MBIP: variants seen among roughly 807,000 people sequenced by gnomAD.
MBIP encodes the protein MAP3K12-binding inhibitory protein 1.
In MBIP, 32 loss-of-function variants were observed where a neutral mutation model predicts 45.7. The ratio of observed to expected loss-of-function variants is 0.70; its 90% CI spans 0.53 to 0.94. The LOEUF (loss-of-function observed/expected upper bound fraction) is 0.94. MBIP is among the 40% of genes least tolerant of loss of function. MBIP has a pLI of 0.00. For synonymous variants in MBIP, 145 were observed against 141.0 expected (o/e 1.03, Z -0.20); for missense variants, 381 against 405.5 (o/e 0.94, Z 0.52).
intron 8 of MBIP, 73 bp downstream of exon 8, chr14:36,300,712 A>G: frequency 8.7e-7 from 1 of 1,152,310 alleles, no homozygotes; most frequent in Non-Finnish European, 1.2e-6. Context: ...CATAGTAGAA[A>G]CTTTTATTAA....
rs981137871 is a variant in MBIP, at chr14:36,308,199, T to C, written c.791-10A>G. 1 of 1,398,416 alleles carries C rather than the reference T, an allele frequency of 7.2e-7. No individual in the cohort carries two copies. Among genetic ancestry groups the C allele is most frequent in the African/African-American group, 1.5e-5 (1 of 68,914 alleles). The allele number at this position is 1,398,416 out of a possible 1,614,324, so 86.6% of individuals were successfully genotyped here. A position where few individuals can be genotyped will look rare whatever the true frequency, so the allele number is the denominator to read the frequency against. ...CTTGGCACTGGACCACCTAAATACA[T>C]TAAAAAAAAATCTGAGATACTATTG... On this transcript the variant is annotated splice_polypyrimidine_tract_variant and intron_variant, in intron 6 of 8. Coordinates refer to ENST00000416007, the MANE Select transcript of MBIP (RefSeq NM_016586.3).
intron 7 of MBIP, among the ~76,000 whole-genome samples, chr14:36,306,530 C>T (rs932085942): frequency 2.6e-5 from 4 of 152,266 alleles, no homozygotes; most frequent in Admixed American, 2.6e-4. Flanking sequence ...ACCTTGGCCT[C>T]CCAAAGTGCT....
At chr14:36,317,119 T>A (rs1880620315) in intron 1 of MBIP, among the ~76,000 whole-genome samples, 1 of 152,174 alleles carries the variant, frequency 6.6e-6, no homozygotes, top group Non-Finnish European at 1.5e-5. Flanking sequence ...CTTTTGATAC[T>A]TCAATATATA....
intron 6 of MBIP, among the ~76,000 whole-genome samples, chr14:36,310,751 C>T (rs1328399692): frequency 6.6e-6 from 1 of 152,150 alleles, no homozygotes; most frequent in Non-Finnish European, 1.5e-5. Context: ...GAAGAAAAAG[C>T]ATGGACAGAA....
At chr14:36,300,045 A>G (rs1338785574) in intron 8 of MBIP, among the ~76,000 whole-genome samples, 1 of 152,238 alleles carries the variant, frequency 6.6e-6, no homozygotes, top group East Asian at 1.9e-4. Context: ...AAAATGATGA[A>G]TTTTATGTTA....
chr14:36,320,517 G>A lies in MBIP; in HGVS notation c.72C>T (p.Asn24=), dbSNP rs1407656822. ...DRNLERRCRP[N]LSREVLYEIF... The stretch of plus-strand genomic sequence containing the variant: ...TTTCGTAGAGCACCTCTCGGGAGAG[G>A]TTGGGTCTGCATCTTCGCTCCAGGT... The change falls in exon 1 of 9, where the codon AAC becomes AAT. Residue 24 remains asparagine (N), a synonymous_variant. Coordinates refer to ENST00000416007, the MANE Select transcript of MBIP (RefSeq NM_016586.3). The A allele has an allele frequency of 3.1e-6, 5 of 1,613,910 alleles. No individual in the cohort carries two copies. In the Admixed American group the frequency reaches 5.0e-5, roughly 16 times the overall value.
intron 6 of MBIP, among the ~76,000 whole-genome samples, chr14:36,309,682 C>T (rs1399395613): frequency 2.0e-5 from 3 of 152,230 alleles, no homozygotes; most frequent in Non-Finnish European, 4.4e-5. Flanking sequence ...CCTTTACCTA[C>T]AATGTCCTCT....
chr14:36,303,236 G>A (rs1374156530), intron 7 of MBIP, among the ~76,000 whole-genome samples: 1 of 152,166 alleles, frequency 6.6e-6, no homozygotes, highest in African/African-American at 2.4e-5. Flanking sequence ...ATTTTAACAG[G>A]TTTTGGTACC....
Position 36,310,829 on chromosome 14 carries a change from G to C in MBIP, c.790+744C>G, listed in dbSNP as rs535945092. Among the ~76,000 whole-genome samples the C allele has an allele frequency of 6.6e-4, 100 of 152,242 alleles. 2 individuals carry two copies. The South Asian group carries it at 6.8e-3, about 10-fold the overall frequency. Reference sequence around the variant, plus strand: ...GATGGGAAGCCCAGAGGTGTAGCTGGAACTACAGATGTGGACAATACTATT... The same window carrying C: ...GATGGGAAGCCCAGAGGTGTAGCTGCAACTACAGATGTGGACAATACTATT... On this transcript the variant is annotated intron_variant, in intron 6 of 8. Coordinates refer to ENST00000416007, the MANE Select transcript of MBIP (RefSeq NM_016586.3).
rs1187301320 is a variant in MBIP, at chr14:36,314,531, A to G, written c.552T>C (p.Asn184=). The part of the protein sequence containing the change: ...INENNVREFC[N]VIDCNQENSC... ...AGTTACCTTGATTACAATCAATAAC[A>G]TTGCAAAATTCCCTGACGTTGTTTT... The change falls in exon 4 of 9, where the codon AAT becomes AAC. Residue 184 remains asparagine, a synonymous_variant. Coordinates refer to ENST00000416007, the MANE Select transcript of MBIP (RefSeq NM_016586.3). The G allele has an allele frequency of 6.2e-7, 1 of 1,609,388 alleles. No homozygotes were observed. The highest frequency in any genetic ancestry group is 8.5e-7 in the Non-Finnish European group (1 of 1,178,090).
rs1316920677 is a variant in MBIP, at chr14:36,320,458, A to C, written c.129+2T>G. 2.5e-6 allele frequency: 4 copies of C among 1,614,012 alleles called. No individual in the cohort carries two copies. The highest frequency in any genetic ancestry group is 1.1e-5 in the South Asian group (1 of 91,076). ...TTCCCAGTCCCTCAGGCCACCTCTCACCTGTCCAACCAGGGTGTGTAGGGA... is the reference window on the plus strand; with the variant it reads ...TTCCCAGTCCCTCAGGCCACCTCTCCCCTGTCCAACCAGGGTGTGTAGGGA... On this transcript the variant is annotated splice_donor_variant, in intron 1 of 8. Coordinates refer to ENST00000416007, the MANE Select transcript of MBIP (RefSeq NM_016586.3). LOFTEE classifies it high-confidence loss of function.
chr14:36,304,799 CATAA>C (rs1482950002), intron 7 of MBIP, among the ~76,000 whole-genome samples: 2 of 152,100 alleles, frequency 1.3e-5, no homozygotes, highest in African/African-American at 4.8e-5. Context: ...CTTTTTTCCC[CATAA>C]ATATTTGTTT....
At chr14:36,320,364 G>C in intron 1 of MBIP, 96 bp downstream of exon 1, 1 of 1,560,904 alleles carries the variant, frequency 6.4e-7, no homozygotes, top group Non-Finnish European at 8.7e-7. Flanking sequence ...CCACACCTCT[G>C]CAGGCCTAGC....
At chr14:36,309,038 G>T (rs1880047878) in intron 6 of MBIP, among the ~76,000 whole-genome samples, 1 of 152,156 alleles carries the variant, frequency 6.6e-6, no homozygotes, top group South Asian at 2.1e-4. Context: ...ACACAATGTG[G>T]ATATTCTCCC....
intron 6 of MBIP, among the ~76,000 whole-genome samples, chr14:36,311,061 A>T (rs1379427570): frequency 1.3e-5 from 2 of 152,192 alleles, no homozygotes; most frequent in Non-Finnish European, 2.9e-5. Flanking sequence ...AGTAGAGATA[A>T]GACAGAAGTG....
intron 2 of MBIP, 21 bp from the exon 3 acceptor site, chr14:36,314,936 T>C (rs752939609): frequency 2.5e-5 from 37 of 1,495,574 alleles, no homozygotes; most frequent in Non-Finnish European, 3.4e-5. Context: ...CACAATTCCA[T>C]CTGCTGAGGT....
chr14:36,320,594 C>T lies in MBIP; in HGVS notation c.-6G>A. On this transcript the variant is annotated 5_prime_UTR_variant, in exon 1 of 9. Coordinates refer to ENST00000416007, the MANE Select transcript of MBIP (RefSeq NM_016586.3). ...AGCTCCGTGGCAGCAGCCATGATAT[C>T]TTCTCAGGCCGCCCCACCACCACCA... 1.3e-6 allele frequency: 2 copies of T among 1,597,092 alleles called. No individual in the cohort carries two copies. The highest frequency in any genetic ancestry group is 1.3e-5 in the African/African-American group (1 of 74,724).
chr14:36,310,324 T>C (rs1320050712), intron 6 of MBIP, among the ~76,000 whole-genome samples: 2 of 152,170 alleles, frequency 1.3e-5, no homozygotes, highest in Non-Finnish European at 2.9e-5. Flanking sequence ...TCCTGAACCA[T>C]ATTTTGTGTT....
chr14:36,306,091 G>A (rs944777234), intron 7 of MBIP, among the ~76,000 whole-genome samples: 2 of 152,092 alleles, frequency 1.3e-5, no homozygotes, highest in Admixed American at 1.3e-4. Flanking sequence ...CCTGCTGCCT[G>A]CCTGGAAAAT....
Sources: allele counts gnomAD v4.1 joint callset (sites outside exome capture counted in the v4.1 genomes callset), GRCh38; gene constraint gnomAD v4.1.1; transcripts MANE v1.5; gene names NCBI Gene and HGNC (gene_info 2026-07-23, HGNC 2026-07-21).